Variants in PRICKLE2 observed in about 807,000 individuals in gnomAD.
The protein encoded by PRICKLE2 is prickle-like protein 2.
PRICKLE2 carries 21 observed loss-of-function variants against 81.4 expected under a neutral mutation model. That is an observed-to-expected ratio of 0.26 (90% CI 0.18 to 0.37). PRICKLE2 has a LOEUF of 0.37. PRICKLE2 is among the 10% of genes least tolerant of loss of function. The pLI, the probability that PRICKLE2 is intolerant of heterozygous loss-of-function variation, is 1.00. For missense variants in PRICKLE2, 940 were observed against 1,109.0 expected, an observed-to-expected ratio of 0.85 and a Z score of 2.16; for synonymous variants, 456 against 421.5, an observed-to-expected ratio of 1.08 and a Z score of -1.00.
intron 7 of PRICKLE2, chr3:64,141,792 C>T (rs141445355): frequency 5.7e-5 from 56 of 985,210 alleles, no homozygotes; most frequent in Middle Eastern, 1.0e-3. Flanking sequence ...AGAAAGATCA[C>T]ACTTCATGCC....
At chr3:64,175,369 T>A (rs1178997350) in intron 2 of PRICKLE2, among the ~76,000 whole-genome samples, 2 of 152,232 alleles carry the variant, frequency 1.3e-5, no homozygotes, top group Admixed American at 1.3e-4. Context: ...GGAAATATCT[T>A]GATGGCTAGC....
chr3:64,134,991 T>G (rs1160434638), intron 7 of PRICKLE2, among the ~76,000 whole-genome samples: 1 of 152,146 alleles, frequency 6.6e-6, no homozygotes, highest in Non-Finnish European at 1.5e-5. Flanking sequence ...CCTAGCAAGG[T>G]ATGAGCTGCT....
intron 2 of PRICKLE2, among the ~76,000 whole-genome samples, chr3:64,261,071 A>G (rs1211113063): frequency 6.6e-6 from 1 of 152,160 alleles, no homozygotes; most frequent in Non-Finnish European, 1.5e-5. Flanking sequence ...ACTTGTACAG[A>G]GTGCTGAAAT....
rs149417962 is a variant in PRICKLE2, at chr3:64,193,114, C to T, written c.144+5670G>A. ...ATGACCACTACACCTCCAGAAATTA[C>T]GCTTATGGAAAGGAGCAGGCACATG... On this transcript the variant is annotated intron_variant, in intron 2 of 7. Coordinates refer to ENST00000638394, the MANE Select transcript of PRICKLE2 (RefSeq NM_198859.4). Among the ~76,000 whole-genome samples, 320 of 152,266 alleles carry T rather than the reference C, an allele frequency of 2.1e-3. 1 individual carries two copies. The highest frequency in any genetic ancestry group is 7.4e-3 in the African/African-American group (309 of 41,554).
chr3:64,170,743 T>C (rs1015804205), intron 2 of PRICKLE2, among the ~76,000 whole-genome samples: 1 of 143,768 alleles, frequency 7.0e-6, no homozygotes, highest in African/African-American at 2.6e-5. Flanking sequence ...GCTGTGGTGG[T>C]GCACACCTGT....
At chr3:64,119,607 T>C (rs1394842288) in intron 7 of PRICKLE2, among the ~76,000 whole-genome samples, 1 of 152,180 alleles carries the variant, frequency 6.6e-6, no homozygotes, top group African/African-American at 2.4e-5. Context: ...GTACGATTGG[T>C]GCAAATGTAA....
chr3:64,258,893 G>GAAAGAAAGAAAGAAAGAAAGAAATAAAT (rs796940955), intron 2 of PRICKLE2, among the ~76,000 whole-genome samples: 9 of 140,976 alleles, frequency 6.4e-5, no homozygotes, highest in African/African-American at 1.9e-4. Flanking sequence ...AAGAAAGAAA[G>GAAAGAAAGAAAGAAAGAAAGAAATAAAT]AAATCAGGAG....
intron 2 of PRICKLE2, among the ~76,000 whole-genome samples, chr3:64,166,361 G>C (rs1390146120): frequency 6.6e-6 from 1 of 152,138 alleles, no homozygotes; most frequent in Non-Finnish European, 1.5e-5. Context: ...TTGAAAACTG[G>C]AGAATAAATG....
At chr3:64,130,038 C>T (rs1181918723) in intron 7 of PRICKLE2, among the ~76,000 whole-genome samples, 1 of 152,208 alleles carries the variant, frequency 6.6e-6, no homozygotes, top group Non-Finnish European at 1.5e-5. Context: ...GTTCAAACTA[C>T]ACACTGGCAA....
intron 2 of PRICKLE2, among the ~76,000 whole-genome samples, chr3:64,257,194 A>G (rs1015049166): frequency 6.6e-6 from 1 of 152,232 alleles, no homozygotes; most frequent in Admixed American, 6.5e-5. Context: ...AAGAAAAATT[A>G]TTTGGCTGAG....
intron 7 of PRICKLE2, among the ~76,000 whole-genome samples, chr3:64,108,560 T>G (rs188469562): frequency 1.2e-4 from 18 of 152,162 alleles, no homozygotes; most frequent in Admixed American, 9.2e-4. Flanking sequence ...TGGGACAATA[T>G]GAATGCACTC....
At chr3:64,160,940 G>A (rs898358513) in intron 3 of PRICKLE2, among the ~76,000 whole-genome samples, 4 of 144,318 alleles carry the variant, frequency 2.8e-5, no homozygotes, top group Non-Finnish European at 6.1e-5. Context: ...AATATCACCC[G>A]TAAAAACAAA....
At chr3:64,203,813 C>CAA (rs68190740) in intron 1 of PRICKLE2, among the ~76,000 whole-genome samples, 28,013 of 140,072 alleles carry the variant, frequency 0.2, 2,807 homozygotes, top group African/African-American at 0.27. Flanking sequence ...ACTAAAAATA[C>CAA]AAAAAAAAAA....
chr3:64,145,921 C>G (rs1451489735), intron 7 of PRICKLE2: 2 of 152,102 alleles, frequency 1.3e-5, no homozygotes, highest in Non-Finnish European at 2.9e-5. Context: ...GACTTAATCA[C>G]CTCCCAAAAG....
At chr3:64,133,430 G>T (rs553342701) in intron 7 of PRICKLE2, among the ~76,000 whole-genome samples, 1 of 152,272 alleles carries the variant, frequency 6.6e-6, no homozygotes, top group South Asian at 2.1e-4. Flanking sequence ...AGCTGATAAT[G>T]ATCTCAGTGG....
chr3:64,145,144 G>A (rs2077425881), intron 7 of PRICKLE2, among the ~76,000 whole-genome samples: 1 of 145,642 alleles, frequency 6.9e-6, no homozygotes, highest in Admixed American at 6.9e-5. Flanking sequence ...CTGCTGCCCA[G>A]GCTGGAGTGC....
At chr3:64,258,435 C>A (rs1280453045) in intron 2 of PRICKLE2, among the ~76,000 whole-genome samples, 1 of 152,112 alleles carries the variant, frequency 6.6e-6, no homozygotes, top group Non-Finnish European at 1.5e-5. Flanking sequence ...ATCTCACAAA[C>A]AGAATGTTGA....
Position 64,095,956 on chromosome 3 carries a change from G to A in PRICKLE2, c.*3095C>T, listed in dbSNP as rs1474603855. The A allele has an allele frequency of 6.6e-6, 1 of 152,232 alleles. No homozygotes were observed. The highest frequency in any genetic ancestry group is 1.5e-5 in the Non-Finnish European group (1 of 68,108). 9.4% of individuals were successfully genotyped at this position (152,232 alleles called of 1,614,324 possible). A position where few individuals can be genotyped will look rare whatever the true frequency, so the allele number is the denominator to read the frequency against. On this transcript the variant is annotated 3_prime_UTR_variant, in exon 8 of 8. Transcript: ENST00000638394. ...AAGCGCCCTGAATACCATCCTCAAT[G>A]CCACCTGGCTGCCAAGAAGCCTTTT...
chr3:64,258,169 C>G (rs1165080279), intron 2 of PRICKLE2, among the ~76,000 whole-genome samples: 1 of 150,852 alleles, frequency 6.6e-6, no homozygotes, highest in East Asian at 2.0e-4. Flanking sequence ...TGCAAAGCAT[C>G]TGAAGCAAGC....
Sources: gnomAD v4.1 joint callset for allele counts (sites outside exome capture counted in the v4.1 genomes callset) on GRCh38, gnomAD v4.1.1 for gene constraint, MANE v1.5 for transcripts, NCBI Gene and HGNC (gene_info 2026-07-23, HGNC 2026-07-21) for gene names.